SEPTIN2: variants seen among roughly 807,000 people sequenced by gnomAD.
SEPTIN2 encodes septin 2.
SEPTIN2 carries 34 observed loss-of-function variants against 46.5 expected under a neutral mutation model. The ratio of observed to expected loss-of-function variants is 0.73; its 90% CI spans 0.56 to 0.97. SEPTIN2 has a LOEUF of 0.97. SEPTIN2 is among the 50% of genes least tolerant of loss of function. SEPTIN2 has a pLI of 0.00. For synonymous variants in SEPTIN2, 175 were observed against 153.4 expected, an observed-to-expected ratio of 1.14 and a Z score of -1.04; for missense variants, 347 against 448.4, an observed-to-expected ratio of 0.77 and a Z score of 2.04.
chr2:241,348,115 G>C lies in SEPTIN2; in HGVS notation c.927-19G>C, dbSNP rs2060437270. ...CTATTTGTTGCAGTGTTATGATTCT[G>C]ATTTCTTTCGATTCTTAGGAAAGTG... On this transcript the variant is annotated intron_variant, in intron 10 of 12. Transcript: ENST00000391971. 6.2e-7 allele frequency: 1 copy of C among 1,604,170 alleles called. No individual in the cohort carries two copies. The highest frequency in any genetic ancestry group is 8.5e-7 in the Non-Finnish European group (1 of 1,173,418).
Sources: allele counts gnomAD v4.1 joint callset, GRCh38; gene constraint gnomAD v4.1.1; transcripts MANE v1.5; gene names NCBI Gene and HGNC (gene_info 2026-07-23, HGNC 2026-07-21).